Variants in CDH13 observed in about 807,000 individuals in gnomAD.
CDH13 encodes cadherin-13.
Under a neutral mutation model 63.8 loss-of-function variants are expected in CDH13, and 24 were observed. The observed-to-expected ratio is 0.38, with a 90% CI of 0.27 to 0.53. The LOEUF is 0.53. CDH13 is among the 20% of genes least tolerant of loss of function. CDH13 has a pLI of 0.85. For synonymous variants in CDH13, 503 were observed against 355.3 expected, an observed-to-expected ratio of 1.42 and a Z score of -4.67; for missense variants, 1,049 against 903.1, an observed-to-expected ratio of 1.16 and a Z score of -2.07.
At chr16:83,782,903 G>T (rs1004264548) in intron 12 of CDH13, among the ~76,000 whole-genome samples, 1 of 152,126 alleles carries the variant, frequency 6.6e-6, no homozygotes, top group African/African-American at 2.4e-5. Context: ...TAATAAATTT[G>T]CAGGGAGGAG....
At chr16:82,650,564 G>C (rs924744959) in intron 1 of CDH13, among the ~76,000 whole-genome samples, 1 of 152,190 alleles carries the variant, frequency 6.6e-6, no homozygotes, top group African/African-American at 2.4e-5. Context: ...TTTGGGCTCA[G>C]GGTTTGCTGG....
chr16:83,682,985 G>T (rs553029933), intron 10 of CDH13, among the ~76,000 whole-genome samples: 1 of 152,088 alleles, frequency 6.6e-6, no homozygotes, highest in Admixed American at 6.6e-5. Context: ...CAACTCCTGG[G>T]CCACGTCCTG....
At chr16:83,099,224 C>T (rs1186378857) in intron 3 of CDH13, among the ~76,000 whole-genome samples, 1 of 152,142 alleles carries the variant, frequency 6.6e-6, no homozygotes, top group Non-Finnish European at 1.5e-5. Flanking sequence ...TATGTTTACA[C>T]AAAGTAGGTG....
At chr16:83,568,972 CT>C (rs1380414824) in intron 7 of CDH13, among the ~76,000 whole-genome samples, 3 of 152,096 alleles carry the variant, frequency 2.0e-5, no homozygotes, top group Non-Finnish European at 4.4e-5. Flanking sequence ...CTGAAACACT[CT>C]CCTCTGCTTG....
At chr16:83,572,062 A>G (rs986666452) in intron 7 of CDH13, among the ~76,000 whole-genome samples, 2 of 152,216 alleles carry the variant, frequency 1.3e-5, no homozygotes, top group Non-Finnish European at 2.9e-5. Context: ...GATAACTTCC[A>G]GAAAACTCAC....
chr16:83,209,218 C>T (rs1251442077), intron 4 of CDH13, among the ~76,000 whole-genome samples: 1 of 152,216 alleles, frequency 6.6e-6, no homozygotes. Flanking sequence ...AGCACCCTTT[C>T]CCTAACATCC....
At chr16:83,764,206 C>T (rs769153679) in intron 11 of CDH13, among the ~76,000 whole-genome samples, 22 of 152,136 alleles carry the variant, frequency 1.4e-4, no homozygotes, top group Non-Finnish European at 2.8e-4. Flanking sequence ...TTATGACCAC[C>T]GTGGTGGTGA....
chr16:82,732,115 T>A (rs2033435142), intron 1 of CDH13, among the ~76,000 whole-genome samples: 1 of 152,226 alleles, frequency 6.6e-6, no homozygotes. Flanking sequence ...TTAATTATAG[T>A]TAAATGATGA....
At chr16:83,134,550 A>C (rs1398743624) in intron 4 of CDH13, among the ~76,000 whole-genome samples, 5 of 34,618 alleles carry the variant, frequency 1.4e-4, no homozygotes, top group Non-Finnish European at 1.3e-4. Context: ...GGGGGGAGAG[A>C]GAGAGAGAGA....
chr16:82,665,358 TTAAG>T (rs1286609387), intron 1 of CDH13, among the ~76,000 whole-genome samples: 1 of 152,134 alleles, frequency 6.6e-6, no homozygotes, highest in African/African-American at 2.4e-5. Flanking sequence ...GTGATAAATT[TTAAG>T]TAAGGCATCT....
At position 83,534,044 on chromosome 16, in the gene CDH13, A is replaced by G. The variant is rs535976053; in HGVS notation, c.960+47389A>G. ...ATTCAGTGCCATTTAGTGGATGGAC[A>G]GTGTTGTATAAGGCACCACCTCTAT... On this transcript the variant is annotated intron_variant, in intron 7 of 13. Transcript: ENST00000567109. 3.9e-4 allele frequency among the ~76,000 whole-genome samples: 60 copies of G among 152,312 alleles called. 1 individual carries two copies. The highest frequency in any genetic ancestry group is 1.4e-3 in the African/African-American group (60 of 41,568).
intron 6 of CDH13, among the ~76,000 whole-genome samples, chr16:83,429,278 C>T (rs1255981611): frequency 6.6e-6 from 1 of 152,144 alleles, no homozygotes; most frequent in Non-Finnish European, 1.5e-5. Flanking sequence ...TGGTCCAGAG[C>T]AGGACACTCT....
chr16:83,649,934 G>A (rs117362026), intron 8 of CDH13, among the ~76,000 whole-genome samples: 3,877 of 152,300 alleles, frequency 0.025, 94 homozygotes, highest in South Asian at 0.051. Flanking sequence ...CATAGGGAGG[G>A]GAAAATGGAT....
At chr16:83,657,530 T>G (rs1912975409) in intron 8 of CDH13, among the ~76,000 whole-genome samples, 1 of 152,154 alleles carries the variant, frequency 6.6e-6, no homozygotes, top group Non-Finnish European at 1.5e-5. Flanking sequence ...AGCTCCAAAG[T>G]GTTCCTTGAC....
intron 5 of CDH13, among the ~76,000 whole-genome samples, chr16:83,335,804 C>T (rs2090581220): frequency 6.6e-6 from 1 of 152,100 alleles, no homozygotes. Flanking sequence ...CTTGCTCAAT[C>T]GATCACGACC....
At chr16:82,959,933 A>C (rs1262219067) in intron 2 of CDH13, among the ~76,000 whole-genome samples, 1 of 152,226 alleles carries the variant, frequency 6.6e-6, no homozygotes, top group African/African-American at 2.4e-5. Flanking sequence ...CCAAAAGTGC[A>C]ATGTCTGGGT....
intron 1 of CDH13, among the ~76,000 whole-genome samples, chr16:82,852,543 C>G (rs572651678): frequency 6.6e-6 from 1 of 152,318 alleles, no homozygotes; most frequent in South Asian, 2.1e-4. Flanking sequence ...ATTCTGTTGG[C>G]CAGTGCTTAG....
chr16:83,488,530 T>C (rs1459301940), intron 7 of CDH13, among the ~76,000 whole-genome samples: 2 of 152,218 alleles, frequency 1.3e-5, no homozygotes, highest in Non-Finnish European at 2.9e-5. Flanking sequence ...CGTTTCTAGT[T>C]AAAGAATAGG....
At chr16:83,770,459 G>A (rs548211181) in intron 11 of CDH13, among the ~76,000 whole-genome samples, 41 of 152,288 alleles carry the variant, frequency 2.7e-4, no homozygotes, top group African/African-American at 8.9e-4. Context: ...AAGAGGTCCC[G>A]ATCCAGACTC....
Sources: gnomAD v4.1 joint callset for allele counts (sites outside exome capture counted in the v4.1 genomes callset) on GRCh38, gnomAD v4.1.1 for gene constraint, MANE v1.5 for transcripts, NCBI Gene and HGNC (gene_info 2026-07-23, HGNC 2026-07-21) for gene names.